The following GYG2 variants were observed in gnomAD, a reference collection of about 807,000 sequenced individuals.
The protein encoded by GYG2 is glycogenin 2.
GYG2 carries 29 observed loss-of-function variants against 29.4 expected under a neutral mutation model. The observed-to-expected ratio is 0.99, with a 90% confidence interval of 0.74 to 1.35. The LOEUF (loss-of-function observed/expected upper bound fraction) is 1.35, where lower values mean the gene tolerates loss of function less well. Among genes scored for constraint, GYG2 ranks in the 40% most tolerant of loss-of-function variants. The pLI is 0.00. For missense variants in GYG2, 370 were observed against 385.7 expected, an observed-to-expected ratio of 0.96 and a Z score of 0.34; for synonymous variants, 167 against 172.3, an observed-to-expected ratio of 0.97 and a Z score of 0.24.
chrX:2,835,931 C>A (rs1196903082), intron 2 of GYG2, among the ~76,000 whole-genome samples: 1 of 110,391 alleles, frequency 9.1e-6, no homozygotes, highest in African/African-American at 3.3e-5. Flanking sequence ...AGGTGAGGGA[C>A]TGTGATGAGA....
chrX:2,858,368 C>T (rs757308172), intron 6 of GYG2, among the ~76,000 whole-genome samples: 55 of 111,114 alleles, frequency 4.9e-4, no homozygotes, highest in Middle Eastern at 4.6e-3. Context: ...CGGGAGGCTG[C>T]GGAGGGAGGC....
rs1569064194 is a variant in GYG2 at position 2,856,450 on chromosome X, A to AC, written c.488-46dup. 4 of 1,183,521 alleles carry AC rather than the reference A, an allele frequency of 3.4e-6. No individual in the cohort carries two copies. The African/African-American group carries it at 7.0e-5, about 21-fold the overall frequency. On this transcript the variant is annotated intron_variant, in intron 5 of 10. Transcript: ENST00000398806. ...GGCACATCTCGCATTCTTGGAGTGAACCAAGCCATACTTTGCTAACCTGCT... is the reference window on the plus strand; with the variant it reads ...GGCACATCTCGCATTCTTGGAGTGAACCCAAGCCATACTTTGCTAACCTGCT...
Position 2,840,956 on chromosome X carries a change from G to A in GYG2, c.8-2257G>A, listed in dbSNP as rs2087480067. The stretch of plus-strand genomic sequence containing the variant: ...ATGATAGGTAGATGGATAGATAGAT[G>A]ATGGATGGATGGATAGATAGATATA... On this transcript the variant is annotated intron_variant, in intron 2 of 10. Transcript: ENST00000398806. Among the ~76,000 whole-genome samples, 5 of 109,901 alleles carry A rather than the reference G, an allele frequency of 4.5e-5. No individual in the cohort carries two copies. The Admixed American group carries it at 4.9e-4, about 11-fold the overall frequency.
At chrX:2,879,427 C>T (rs892057700) in intron 10 of GYG2, among the ~76,000 whole-genome samples, 1 of 110,277 alleles carries the variant, frequency 9.1e-6, no homozygotes, top group Non-Finnish European at 1.9e-5. Context: ...ACGACCAAGC[C>T]CGGCTAATTT....
At chrX:2,869,017 A>T (rs60438292) in intron 8 of GYG2, among the ~76,000 whole-genome samples, 3,090 of 12,238 alleles carry the variant, frequency 0.25, 104 homozygotes, top group African/African-American at 0.35. Context: ...TGAACATCTT[A>T]AAAAAAAAAA....
Position 2,840,902 on chromosome X carries a change from AGAT to A in GYG2, c.8-2307_8-2305del, listed in dbSNP as rs754224136. On this transcript the variant is annotated intron_variant, in intron 2 of 10. Coordinates refer to ENST00000398806, the MANE Select transcript of GYG2 (RefSeq NM_001079855.2). ...AATAATAGATGTGAAGAGGATTGGT[AGAT>A]GATAGGTGGATAGATGGATGGATAG... Among the ~76,000 whole-genome samples the A allele has an allele frequency of 7.3e-4, 82 of 111,664 alleles. 1 individual carries two copies. The highest frequency in any genetic ancestry group is 2.6e-3 in the African/African-American group (79 of 30,744).
intron 2 of GYG2, among the ~76,000 whole-genome samples, chrX:2,831,147 T>A (rs1458781678): frequency 8.9e-6 from 1 of 112,798 alleles, no homozygotes; most frequent in African/African-American, 3.2e-5. Flanking sequence ...TTTTCTATCA[T>A]TAAATCATTA....
chrX:2,853,911 TGAA>T, intron 3 of GYG2, 66 bp from the exon 4 acceptor site: 1 of 768,122 alleles, frequency 1.3e-6, no homozygotes, highest in Non-Finnish European at 2.0e-6. Flanking sequence ...AGCACCCTCT[TGAA>T]GGAGGAGGTG....
chrX:2,856,961 GTTTATCTATCTATCTATCTATCTA>G (rs1349050151), intron 6 of GYG2, among the ~76,000 whole-genome samples: 11 of 43,242 alleles, frequency 2.5e-4, no homozygotes, highest in African/African-American at 6.6e-4. Context: ...CTAGACATCT[GTTTATCTATCTATCTATCTATCTA>G]TCTATCTATC....
chrX:2,837,195 T>C (rs1212277781), intron 2 of GYG2, among the ~76,000 whole-genome samples: 1 of 111,604 alleles, frequency 9.0e-6, no homozygotes, highest in Admixed American at 9.5e-5. Context: ...ACGGTGGAGC[T>C]CATGACCCAG....
At chrX:2,871,302 A>G (rs1308853428) in intron 8 of GYG2, among the ~76,000 whole-genome samples, 3 of 109,668 alleles carry the variant, frequency 2.7e-5, no homozygotes, top group Non-Finnish European at 5.7e-5. Context: ...GAAGTAAGGT[A>G]CCAAATGTGA....
chrX:2,877,511 C>T, intron 10 of GYG2: 1 of 1,042,545 alleles, frequency 9.6e-7, no homozygotes, highest in Non-Finnish European at 1.2e-6. Flanking sequence ...CTCTCTTTTG[C>T]CATCTTCAAG....
At chrX:2,848,927 G>A (rs1382563028) in intron 3 of GYG2, among the ~76,000 whole-genome samples, 1 of 110,834 alleles carries the variant, frequency 9.0e-6, no homozygotes, top group Non-Finnish European at 1.9e-5. Context: ...GGAGAATTGA[G>A]GGATGGCGCT....
At chrX:2,842,750 G>A (rs1175954795) in intron 2 of GYG2, among the ~76,000 whole-genome samples, 1 of 109,086 alleles carries the variant, frequency 9.2e-6, no homozygotes, top group African/African-American at 3.3e-5. Flanking sequence ...CCTGTGTTTT[G>A]TTTTGTTTAG....
At chrX:2,848,539 A>C (rs1268745525) in intron 3 of GYG2, among the ~76,000 whole-genome samples, 1 of 9,588 alleles carries the variant, frequency 1.0e-4, no homozygotes, top group Non-Finnish European at 2.2e-4. Flanking sequence ...CTCTGTCAAA[A>C]AAGAAGGGAA....
At chrX:2,846,281 G>T (rs1444919756) in intron 3 of GYG2, among the ~76,000 whole-genome samples, 10 of 104,786 alleles carry the variant, frequency 9.5e-5, no homozygotes, top group African/African-American at 3.1e-4. Flanking sequence ...TGCCCAGGCT[G>T]GTCTCGAACG....
At chrX:2,873,385 C>T (rs2088519782) in intron 8 of GYG2, among the ~76,000 whole-genome samples, 1 of 111,715 alleles carries the variant, frequency 9.0e-6, no homozygotes, top group South Asian at 3.8e-4. Context: ...ATTGAGGTAC[C>T]ACTGACAAAT....
Position 2,881,327 on chromosome X carries a change from C to G in GYG2, c.*114C>G. On this transcript the variant is annotated 3_prime_UTR_variant, in exon 11 of 11. Coordinates refer to ENST00000398806, the MANE Select transcript of GYG2 (RefSeq NM_001079855.2). ...GGAAACGCTGTTGAACCTTGTGCCT[C>G]TATTTATGCTTAATCCATTTGAGTG... 4 of 614,253 alleles carry G rather than the reference C, an allele frequency of 6.5e-6. No individual in the cohort carries two copies. In the South Asian group the frequency reaches 9.9e-5, roughly 15 times the overall value. The allele number at this position is 614,253 out of a possible 1,213,427, so 50.6% of individuals were successfully genotyped here.
intron 8 of GYG2, among the ~76,000 whole-genome samples, chrX:2,870,100 GT>G (rs201814696): frequency 0.15 from 14,879 of 100,817 alleles, 925 homozygotes; most frequent in South Asian, 0.31. Flanking sequence ...ATGTCCTTCA[GT>G]TTTTTTTTTT....
Sources: gnomAD v4.1 joint callset for allele counts (sites outside exome capture counted in the v4.1 genomes callset) on GRCh38, gnomAD v4.1.1 for gene constraint, MANE v1.5 for transcripts, NCBI Gene and HGNC (gene_info 2026-07-23, HGNC 2026-07-21) for gene names.